The following HAS1 variants were observed in gnomAD, a reference collection of about 807,000 sequenced individuals.
HAS1 encodes HA synthase 1.
A neutral mutation model predicts 35.0 loss-of-function variants in HAS1; 27 were observed. The ratio of observed to expected loss-of-function variants is 0.77; its 90% confidence interval spans 0.57 to 1.06. HAS1 has a LOEUF of 1.06. Ranked by LOEUF, HAS1 falls within the 50% of genes least tolerant of loss-of-function variation. HAS1 has a pLI of 0.00. For synonymous variants in HAS1, 409 were observed against 371.2 expected (o/e 1.10, Z -1.17); for missense variants, 940 against 814.8 (o/e 1.15, Z -1.87).
At position 51,719,620 on chromosome 19, in the gene HAS1, A is replaced by C. The variant is rs563352546; in HGVS notation, c.285T>G (p.Ser95Arg). The C allele has an allele frequency of 1.7e-4, 257 of 1,539,244 alleles. 2 individuals are homozygous for C. In the African/African-American group the frequency reaches 3.1e-3, roughly 19 times the overall value. The change falls in exon 2 of 5, where the codon AGT becomes AGG. Residue 95 changes from serine to arginine, a missense_variant. By Grantham distance (110) the Ser-to-Arg change is moderately radical (BLOSUM62 -1). Transcript: ENST00000540069. ...GGTAGGCGGAGATGGTCAGCGCCAC[A>C]CTGCGCGCGGTGGCTGCATCCAGCG... ...RGPLDAATAR[S>R]VALTISAYQE...
At position 51,719,553 on chromosome 19, in the gene HAS1, G is replaced by C. The variant is rs370739665; in HGVS notation, c.352C>G (p.Arg118Gly). Residue 118 changes from arginine (R) to glycine (G), a missense_variant, in exon 2 of 5, where the codon CGC (arginine) becomes GGC (glycine). Physicochemically the swap from Arg to Gly is moderately radical, Grantham distance 125. Coordinates refer to ENST00000540069, the MANE Select transcript of HAS1 (RefSeq NM_001297436.2). ...AYLRQCLASA[R>G]ALLYPRARLR... is the part of the protein sequence containing the mutation. ...CGCGCGCGCGGGTACAGCAGGGCGC[G>C]GGCGGACGCCAGGCACTGGCGCAGG... The C allele has an allele frequency of 2.6e-6, 4 of 1,546,186 alleles. No homozygotes were observed. Among genetic ancestry groups the C allele is most frequent in the Non-Finnish European group, 3.5e-6 (4 of 1,145,086 alleles).
chr19:51,714,261 T>C, intron 4 of HAS1, 159 bp from the exon 5 acceptor site: 1 of 1,228,650 alleles, frequency 8.1e-7, no homozygotes, highest in East Asian at 2.6e-5. Context: ...TGGATAATGG[T>C]TCCTAGGCCT....
chr19:51,713,812 C>A lies in HAS1; in HGVS notation c.1349G>T (p.Trp450Leu), dbSNP rs1350494332. The change falls in exon 5 of 5, where the codon TGG (tryptophan) becomes TTG (leucine). Residue 450 changes from tryptophan (W) to leucine (L), a missense_variant. Coordinates refer to ENST00000540069, the MANE Select transcript of HAS1 (RefSeq NM_001297436.2). This position sits in a 1 kb window ranked among gnomAD's most constrained non-coding sequence, Gnocchi z 4.5. ...CACCATGCGCAGGCAGCCCCGCAGC[C>A]AGGCCGCGAAGGCCGCCTTGGCCAG... Reference protein sequence around the residue: ...VALAKAAFAAWLRGCLRMVLL... With the variant: ...VALAKAAFAALLRGCLRMVLL... The A allele has an allele frequency of 6.2e-7, 1 of 1,606,642 alleles. No homozygotes were observed. The highest frequency in any genetic ancestry group is 2.2e-5 in the East Asian group (1 of 44,666).
chr19:51,720,687 G>A (rs1311833881), intron 1 of HAS1, among the ~76,000 whole-genome samples: 1 of 151,880 alleles, frequency 6.6e-6, no homozygotes, highest in African/African-American at 2.4e-5. Flanking sequence ...TAGAGGAGGG[G>A]TCTCACTATG....
intron 4 of HAS1, 168 bp downstream of exon 4, chr19:51,716,088 A>G: frequency 1.6e-6 from 1 of 612,914 alleles, no homozygotes; most frequent in Non-Finnish European, 2.9e-6. Context: ...CTCAATGCAA[A>G]TGGCCCCTCT....
chr19:51,719,808 C>A lies in HAS1; in HGVS notation c.97G>T (p.Gly33Cys), dbSNP rs2083614246. The A allele has an allele frequency of 3.8e-6, 6 of 1,558,634 alleles. No individual in the cohort carries two copies. The highest frequency in any genetic ancestry group is 5.2e-6 in the Non-Finnish European group (6 of 1,155,076). The change falls in exon 2 of 5, where the codon GGC becomes TGC. Residue 33 changes from glycine to cysteine, a missense_variant. By Grantham distance (159) the Gly-to-Cys change is radical. Coordinates refer to ENST00000540069, the MANE Select transcript of HAS1 (RefSeq NM_001297436.2). ...GCGGCGTAGGCCCAGGTCATGAGGC[C>A]CAGGATGAGCAGGGCGAAGGCGATG... The part of the protein sequence containing the change: ...LTIAFALLIL[G>C]LMTWAYAAGV...
chr19:51,719,491 G>C lies in HAS1; in HGVS notation c.414C>G (p.Ala138=), dbSNP rs1388007556. The C allele has an allele frequency of 3.2e-6, 5 of 1,550,448 alleles. No homozygotes were observed. In the East Asian group the frequency reaches 9.8e-5, roughly 30 times the overall value. ...RVLMVVDGNR[A]EDLYMVDMFR... ...ACATGTCGACCATGTAGAGGTCCTC[G>C]GCGCGGTTGCCATCCACCACCATGA... is the stretch of plus-strand genomic sequence containing the variant. Residue 138 remains alanine (A), a synonymous_variant, in exon 2 of 5, where the codon GCC becomes GCG. Transcript: ENST00000540069.
At position 51,713,764 on chromosome 19, in the gene HAS1, A is replaced by T. The variant is rs780839558; in HGVS notation, c.1397T>A (p.Leu466His). Reference protein sequence around the residue: ...RMVLLSLYAPLYMCGLLPAKF... With the variant: ...RMVLLSLYAPHYMCGLLPAKF... ...GGCAGGCAGGAGGCCACACATGTAG[A>T]GGGGCGCGTAGAGCGACAGAAGCAC... The change falls in exon 5 of 5, where the codon CTC becomes CAC. Residue 466 changes from leucine (L) to histidine (H), a missense_variant. Transcript: ENST00000540069. The surrounding 1 kb of genome is among the most constrained non-coding windows in gnomAD (Gnocchi z 4.5). 3.9e-5 allele frequency: 63 copies of T among 1,604,862 alleles called. No individual in the cohort carries two copies. Among genetic ancestry groups the T allele is most frequent in the Non-Finnish European group, 5.2e-5 (61 of 1,176,040 alleles).
At position 51,723,981 on chromosome 19, in the gene HAS1, A is replaced by T; in HGVS notation, c.-48T>A. 6.5e-7 allele frequency: 1 copy of T among 1,533,540 alleles called. No individual in the cohort carries two copies. 95.0% of individuals were successfully genotyped at this position (1,533,540 alleles called of 1,614,324 possible). ...TCTCTTCTCTCCGGCTTGCTCTCCC[A>T]GCCTCTCTGTGGCCAGAGAGCTGGA... On this transcript the variant is annotated 5_prime_UTR_variant, in exon 1 of 5. Coordinates refer to ENST00000540069, the MANE Select transcript of HAS1 (RefSeq NM_001297436.2).
At position 51,714,024 on chromosome 19, in the gene HAS1, G is replaced by C. The variant is rs117163408; in HGVS notation, c.1137C>G (p.Ser379=). The change falls in exon 5 of 5, where the codon TCC becomes TCG. Residue 379 remains serine, a synonymous_variant. Transcript: ENST00000540069. Reference sequence around the variant, plus strand: ...ACAGCCACTCACGGAAGTACGACTTGGACCAGCGTGTCTGCTGGCTCAGCC... The same window carrying C: ...ACAGCCACTCACGGAAGTACGACTTCGACCAGCGTGTCTGCTGGCTCAGCC... ...LRWLSQQTRW[S]KSYFREWLYN... 3.4e-4 allele frequency: 552 copies of C among 1,613,960 alleles called. No individual in the cohort carries two copies. Among genetic ancestry groups the C allele is most frequent in the Non-Finnish European group, 3.2e-4 (376 of 1,179,972 alleles).
chr19:51,723,953 C>T lies in HAS1; in HGVS notation c.-20G>A. 17 of 1,538,010 alleles carry T rather than the reference C, an allele frequency of 1.1e-5. No homozygotes were observed. Among genetic ancestry groups the T allele is most frequent in the Non-Finnish European group, 1.5e-5 (17 of 1,146,128 alleles). Reference sequence around the variant, plus strand: ...TCTCATCGCAGTGGGTCTGGCCGGGCTCTCTCTTCTCTCCGGCTTGCTCTC... The same window carrying T: ...TCTCATCGCAGTGGGTCTGGCCGGGTTCTCTCTTCTCTCCGGCTTGCTCTC... On this transcript the variant is annotated 5_prime_UTR_variant, in exon 1 of 5. Coordinates refer to ENST00000540069, the MANE Select transcript of HAS1 (RefSeq NM_001297436.2).
intron 4 of HAS1, among the ~76,000 whole-genome samples, chr19:51,714,458 G>A (rs776869829): frequency 2.7e-4 from 41 of 149,706 alleles, no homozygotes; most frequent in Non-Finnish European, 4.0e-4. Context: ...GGAGGCTGAG[G>A]TAGGGGGATC....
chr19:51,723,670 C>A (rs1373269559), intron 1 of HAS1, among the ~76,000 whole-genome samples: 2 of 152,038 alleles, frequency 1.3e-5, no homozygotes, highest in Non-Finnish European at 1.5e-5. Context: ...TACAGAAATA[C>A]GGACATGGCA....
intron 2 of HAS1, 77 bp from the exon 3 acceptor site, chr19:51,717,270 G>T: frequency 3.1e-6 from 3 of 973,706 alleles, no homozygotes; most frequent in Non-Finnish European, 4.8e-6. Flanking sequence ...ATCAAGGGGT[G>T]CAATGCAGCT....
At chr19:51,721,836 C>T (rs999749709) in intron 1 of HAS1, among the ~76,000 whole-genome samples, 4 of 152,178 alleles carry the variant, frequency 2.6e-5, no homozygotes, top group African/African-American at 9.7e-5. Context: ...CTCCCAGGCT[C>T]TAGCGATCCT....
At chr19:51,721,524 T>G (rs886309338) in intron 1 of HAS1, among the ~76,000 whole-genome samples, 2 of 152,154 alleles carry the variant, frequency 1.3e-5, no homozygotes, top group African/African-American at 4.8e-5. Flanking sequence ...ACGCCTGTAA[T>G]CCCAGCACTT....
intron 1 of HAS1, 55 bp downstream of exon 1, chr19:51,723,870 C>T (rs1568630218): frequency 7.7e-7 from 1 of 1,293,744 alleles, no homozygotes; most frequent in Non-Finnish European, 1.0e-6. Flanking sequence ...AGTAGTTTTC[C>T]CCACATGGCT....
Position 51,713,677 on chromosome 19 carries a change from A to G in HAS1, c.1484T>C (p.Leu495Pro). 11 of 1,586,486 alleles carry G rather than the reference A, an allele frequency of 6.9e-6. No homozygotes were observed. The highest frequency in any genetic ancestry group is 8.6e-6 in the Non-Finnish European group (10 of 1,167,862). ...SGWGTSGRRK[L>P]AANYVPLLPL... ...CAGCAGAGGGACGTAGTTAGCGGCC[A>G]GCTTCCGCCGGCCCGAGGTGCCCCA... The change falls in exon 5 of 5, where the codon CTG (leucine) becomes CCG (proline). Residue 495 changes from leucine (L) to proline (P), a missense_variant. Physicochemically the swap from Leu to Pro is moderately conservative, Grantham distance 98 (BLOSUM62 -3). Transcript: ENST00000540069. This position sits in a 1 kb window ranked among gnomAD's most constrained non-coding sequence, Gnocchi z 4.5.
In HAS1 at chr19:51,714,034, G is replaced by C. The variant is rs1200716890; in HGVS notation, c.1127C>G (p.Thr376Arg). 6.2e-7 allele frequency: 1 copy of C among 1,613,944 alleles called. No individual in the cohort carries two copies. Among genetic ancestry groups the C allele is most frequent in the South Asian group, 1.1e-5 (1 of 91,038 alleles). ...ACGGAAGTACGACTTGGACCAGCGT[G>C]TCTGCTGGCTCAGCCACCGCAGGAA... The part of the protein sequence containing the change: ...SSFLRWLSQQ[T>R]RWSKSYFREW... The change falls in exon 5 of 5, where the codon ACA becomes AGA. Residue 376 changes from threonine to arginine, a missense_variant. Thr to Arg is a moderately conservative substitution (Grantham distance 71). Coordinates refer to ENST00000540069, the MANE Select transcript of HAS1 (RefSeq NM_001297436.2).
Sources: allele counts gnomAD v4.1 joint callset (sites outside exome capture counted in the v4.1 genomes callset), GRCh38; gene constraint gnomAD v4.1.1; non-coding constraint Gnocchi (gnomAD v3.1); transcripts MANE v1.5; gene names NCBI Gene and HGNC (gene_info 2026-07-23, HGNC 2026-07-21).